Variants in ATP10A observed in about 807,000 individuals in gnomAD.
The protein encoded by ATP10A is phospholipid-transporting ATPase VA.
A neutral mutation model predicts 147.8 loss-of-function variants in ATP10A; 111 were observed. The ratio of observed to expected loss-of-function variants is 0.75; its 90% CI spans 0.64 to 0.88. The LOEUF (loss-of-function observed/expected upper bound fraction) is 0.88, where lower values mean the gene tolerates loss of function less well. ATP10A is among the 40% of genes least tolerant of loss of function. The probability of loss-of-function intolerance (pLI) is 0.00; values close to 1 mark genes in which losing one functional copy is unlikely to be tolerated. For missense variants in ATP10A, 1,927 were observed against 1,959.0 expected (o/e 0.98, Z 0.31); for synonymous variants, 875 against 841.6 (o/e 1.04, Z -0.69).
chr15:25,800,411 C>G (rs536968885), intron 1 of ATP10A, among the ~76,000 whole-genome samples: 5 of 152,228 alleles, frequency 3.3e-5, no homozygotes, highest in African/African-American at 7.2e-5. Flanking sequence ...TCCTGCCTCC[C>G]CAGGGGACAC....
At chr15:25,785,525 T>C (rs1395123130) in intron 1 of ATP10A, among the ~76,000 whole-genome samples, 3 of 152,164 alleles carry the variant, frequency 2.0e-5, no homozygotes, top group Non-Finnish European at 4.4e-5. Flanking sequence ...TCCATTCTCG[T>C]GACTCTGGCT....
chr15:25,745,530 T>C (rs1887803090), intron 2 of ATP10A, among the ~76,000 whole-genome samples: 1 of 152,132 alleles, frequency 6.6e-6, no homozygotes, highest in African/African-American at 2.4e-5. Flanking sequence ...GAGATGAGCC[T>C]GGGCAACAGA....
intron 1 of ATP10A, among the ~76,000 whole-genome samples, chr15:25,800,430 T>C (rs1890883719): frequency 6.6e-6 from 1 of 152,044 alleles, no homozygotes; most frequent in African/African-American, 2.4e-5. Context: ...ACAGCACAGA[T>C]TTCTGCCTCC....
chr15:25,827,178 A>C (rs1051463821), intron 1 of ATP10A, among the ~76,000 whole-genome samples: 12 of 152,216 alleles, frequency 7.9e-5, no homozygotes, highest in African/African-American at 2.9e-4. Context: ...CAAAAACTAC[A>C]CAAAATACAT....
chr15:25,680,715 C>A, intron 19 of ATP10A, 95 bp downstream of exon 19: 1 of 1,216,454 alleles, frequency 8.2e-7, no homozygotes, highest in South Asian at 1.2e-5. Flanking sequence ...CCTGTCTACT[C>A]AAAACGACCT....
At chr15:25,725,728 G>A (rs1033279802) in intron 5 of ATP10A, among the ~76,000 whole-genome samples, 2 of 151,434 alleles carry the variant, frequency 1.3e-5, no homozygotes, top group African/African-American at 2.4e-5. Flanking sequence ...TCCCCCTCCC[G>A]GGTTCAAGCC....
intron 2 of ATP10A, among the ~76,000 whole-genome samples, chr15:25,769,389 A>AG (rs1243235953): frequency 1.4e-5 from 2 of 144,208 alleles, no homozygotes; most frequent in Non-Finnish European, 3.0e-5. Context: ...CGGGAGGCTG[A>AG]GGCAGAGAAT....
chr15:25,803,455 G>A (rs1891029567), intron 1 of ATP10A, among the ~76,000 whole-genome samples: 1 of 152,170 alleles, frequency 6.6e-6, no homozygotes, highest in African/African-American at 2.4e-5. Context: ...GAATGGCTAG[G>A]ACAACTCGCC....
chr15:25,744,518 A>T (rs577450970), intron 2 of ATP10A, among the ~76,000 whole-genome samples: 1 of 152,344 alleles, frequency 6.6e-6, no homozygotes, highest in South Asian at 2.1e-4. Context: ...AAACAAGAAT[A>T]GGAACAGATC....
intron 2 of ATP10A, among the ~76,000 whole-genome samples, chr15:25,772,211 A>C (rs1003966461): frequency 6.6e-6 from 1 of 152,126 alleles, no homozygotes; most frequent in Admixed American, 6.6e-5. Context: ...AGCCACCCCA[A>C]TTCCAGGTTC....
At chr15:25,853,990 T>C (rs1893402317) in intron 1 of ATP10A, among the ~76,000 whole-genome samples, 1 of 151,542 alleles carries the variant, frequency 6.6e-6, no homozygotes, top group African/African-American at 2.4e-5. Context: ...ACTTGATTGG[T>C]TCCTACTGAC....
chr15:25,797,075 C>T (rs1017934254), intron 1 of ATP10A, among the ~76,000 whole-genome samples: 4 of 152,102 alleles, frequency 2.6e-5, no homozygotes, highest in Non-Finnish European at 5.9e-5. Context: ...GATCCTAAAA[C>T]GACTCCTCCT....
intron 15 of ATP10A, among the ~76,000 whole-genome samples, chr15:25,689,913 G>C (rs1025012139): frequency 1.3e-5 from 2 of 152,226 alleles, no homozygotes; most frequent in Non-Finnish European, 2.9e-5. Context: ...TTTACTAGAC[G>C]AGTTTCCAAG....
Position 25,713,907 on chromosome 15 carries a change from A to C in ATP10A, c.2111T>G (p.Val704Gly), listed in dbSNP as rs773803928. ...GCAGTTGTAGGCTCTGGCCGCATAC[A>C]CCAGTGCGGCCTCATCCGGGCTCTC... ...EAESPDEAAL[V>G]YAARAYNCVL... Residue 704 changes from valine (V) to glycine (G), a missense_variant, in exon 10 of 21, where the codon GTG becomes GGG. Transcript: ENST00000555815. 1.9e-6 allele frequency: 3 copies of C among 1,613,078 alleles called. No homozygotes were observed. The highest frequency in any genetic ancestry group is 2.7e-5 in the African/African-American group (2 of 74,928).
rs367572187 is a variant in ATP10A, at chr15:25,845,522, G to A, written c.449+17126C>T. On this transcript the variant is annotated intron_variant, in intron 1 of 20. Coordinates refer to ENST00000555815, the MANE Select transcript of ATP10A (RefSeq NM_024490.4). Reference sequence around the variant, plus strand: ...CTTACAAGAAGTGTCAAGGTTGAGAGAAAGTGTGGGATGACATCTAGGCAA... The same window carrying A: ...CTTACAAGAAGTGTCAAGGTTGAGAAAAAGTGTGGGATGACATCTAGGCAA... 3.3e-5 allele frequency among the ~76,000 whole-genome samples: 5 copies of A among 152,288 alleles called. No individual in the cohort carries two copies. In the East Asian group the frequency reaches 9.7e-4, roughly 30 times the overall value.
chr15:25,719,222 T>C (rs752844673), intron 7 of ATP10A, among the ~76,000 whole-genome samples: 1 of 152,146 alleles, frequency 6.6e-6, no homozygotes, highest in Non-Finnish European at 1.5e-5. Context: ...AGCAGGGGCC[T>C]GTCAAGAGGC....
At chr15:25,842,262 A>G (rs796068931) in intron 1 of ATP10A, among the ~76,000 whole-genome samples, 1 of 152,060 alleles carries the variant, frequency 6.6e-6, no homozygotes, top group East Asian at 1.9e-4. Flanking sequence ...TGTTTTCTCT[A>G]TACCTGTTGG....
intron 12 of ATP10A, among the ~76,000 whole-genome samples, chr15:25,706,600 G>A (rs574946018): frequency 6.6e-6 from 1 of 152,350 alleles, no homozygotes; most frequent in African/African-American, 2.4e-5. Flanking sequence ...AGGGAAGATG[G>A]AGAAGGGGCA....
At chr15:25,826,996 G>T (rs968102722) in intron 1 of ATP10A, among the ~76,000 whole-genome samples, 1 of 152,082 alleles carries the variant, frequency 6.6e-6, no homozygotes, top group Non-Finnish European at 1.5e-5. Flanking sequence ...TGAACAGAAA[G>T]AATCTGGAAG....
Sources: allele counts gnomAD v4.1 joint callset (sites outside exome capture counted in the v4.1 genomes callset), GRCh38; gene constraint gnomAD v4.1.1; transcripts MANE v1.5; gene names NCBI Gene and HGNC (gene_info 2026-07-23, HGNC 2026-07-21).